FREM1: variants seen among roughly 807,000 people sequenced by gnomAD.
FREM1 encodes the protein FRAS1 related extracellular matrix 1.
A neutral mutation model predicts 210.1 loss-of-function variants in FREM1; 220 were observed. The observed-to-expected ratio is 1.05, with a 90% CI of 0.94 to 1.17. The LOEUF is 1.17. Ranked by LOEUF, FREM1 falls within the 50% of genes most tolerant of loss-of-function variation. FREM1 has a pLI of 0.00. For synonymous variants in FREM1, 1,189 were observed against 980.2 expected (o/e 1.21, Z -3.98); for missense variants, 3,454 against 2,675.5 (o/e 1.29, Z -6.42).
chr9:14,820,778 G>A (rs1003113599), intron 13 of FREM1, among the ~76,000 whole-genome samples: 1 of 152,156 alleles, frequency 6.6e-6, no homozygotes, highest in Non-Finnish European at 1.5e-5. Flanking sequence ...TCTCCCAAGT[G>A]TCTCACTTTC....
chr9:14,743,936 TAAATGACATCTAGTTAA>T (rs1841987387), intron 35 of FREM1, among the ~76,000 whole-genome samples: 1 of 152,122 alleles, frequency 6.6e-6, no homozygotes, highest in Non-Finnish European at 1.5e-5. Context: ...TACGACAAAC[TAAATGACATCTAGTTAA>T]GATGTCATTT....
chr9:14,870,246 T>A (rs1776097685), intron 1 of FREM1, among the ~76,000 whole-genome samples: 1 of 152,232 alleles, frequency 6.6e-6, no homozygotes. Flanking sequence ...ACATCTAATC[T>A]ATTTCCATTC....
At position 14,816,869 on chromosome 9, in the gene FREM1, T is replaced by A; in HGVS notation, c.2549A>T (p.Tyr850Phe). 7.7e-7 allele frequency: 1 copy of A among 1,298,496 alleles called. No individual in the cohort carries two copies. The highest frequency in any genetic ancestry group is 1.0e-6 in the Non-Finnish European group (1 of 953,746). The allele number at this position is 1,298,496 out of a possible 1,614,324, so 80.4% of individuals were successfully genotyped here. A position where few individuals can be genotyped will look rare whatever the true frequency, so the allele number is the denominator to read the frequency against. ...WGDLHTLKVR[Y>F]QHDGTEVLQD... ...AAGAACTTCAGTTCCATCATGTTGA[T>A]ACCTGTGGGGATAATATTTGTCACC... The change falls in exon 15 of 37, where the codon TAT (tyrosine) becomes TTT (phenylalanine). Residue 850 changes from tyrosine (Y) to phenylalanine (F), a missense_variant and splice_region_variant. Transcript: ENST00000380880.
At chr9:14,803,327 C>CCCCTCCCCTCCCCTA (rs758733762) in intron 19 of FREM1, among the ~76,000 whole-genome samples, 4 of 125,032 alleles carry the variant, frequency 3.2e-5, no homozygotes, top group South Asian at 6.6e-4. Context: ...CCCCTCCCCT[C>CCCCTCCCCTCCCCTA]CCCTACCCTC....
In FREM1 at chr9:14,843,116, C is replaced by A. The variant is rs892361247; in HGVS notation, c.1394-456G>T. ...CAATCCATTGATAGACTGAATAGAACAAAAAGGAAGAGGAAAGGGGAATGC... is the reference window on the plus strand; with the variant it reads ...CAATCCATTGATAGACTGAATAGAAAAAAAAGGAAGAGGAAAGGGGAATGC... On this transcript the variant is annotated intron_variant, in intron 8 of 36. Transcript: ENST00000380880. 2.0e-5 allele frequency among the ~76,000 whole-genome samples: 3 copies of A among 152,128 alleles called. No individual in the cohort carries two copies. In the South Asian group the frequency reaches 6.2e-4, roughly 32 times the overall value.
chr9:14,860,525 G>C (rs1469092292), intron 3 of FREM1, among the ~76,000 whole-genome samples: 3 of 89,972 alleles, frequency 3.3e-5, no homozygotes, highest in African/African-American at 1.8e-4. Flanking sequence ...TGGGTACGTA[G>C]TAGGTATGTA....
At chr9:14,769,962 C>T in intron 26 of FREM1, 94 bp from the exon 27 acceptor site, 1 of 597,062 alleles carries the variant, frequency 1.7e-6, no homozygotes, top group South Asian at 2.7e-5. Context: ...TTAAACACAG[C>T]TTTAAAAAAC....
chr9:14,890,374 T>G (rs1233629263), intron 1 of FREM1, among the ~76,000 whole-genome samples: 2 of 152,136 alleles, frequency 1.3e-5, no homozygotes, highest in East Asian at 3.8e-4. Context: ...GTTAAAAGCT[T>G]GCCACAAAAA....
rs761122172 is a variant in FREM1 at position 14,824,944 on chromosome 9, C to G, written c.1930G>C (p.Ala644Pro). The change falls in exon 11 of 37, where the codon GCT becomes CCT. Residue 644 changes from alanine to proline, a missense_variant. Physicochemically the swap from Ala to Pro is conservative, Grantham distance 27 (BLOSUM62 -1). Transcript: ENST00000380880. ...TPVDDQLPKE[A>P]PGVSRHLVVK... ...ACCAAATGCCGAGAAACTCCAGGAG[C>G]CTCTTTTGGAAGCTGGTCATCCACT... is the stretch of plus-strand genomic sequence containing the variant. 4.4e-6 allele frequency: 7 copies of G among 1,606,700 alleles called. No individual in the cohort carries two copies. The highest frequency in any genetic ancestry group is 5.9e-6 in the Non-Finnish European group (7 of 1,178,182).
intron 28 of FREM1, among the ~76,000 whole-genome samples, chr9:14,758,847 T>C (rs892844483): frequency 1.3e-5 from 2 of 152,176 alleles, no homozygotes; most frequent in African/African-American, 4.8e-5. Context: ...TGAAAAGAAA[T>C]AGCAAGTTGA....
At chr9:14,863,110 G>T (rs1306058502) in intron 3 of FREM1, among the ~76,000 whole-genome samples, 2 of 152,046 alleles carry the variant, frequency 1.3e-5, no homozygotes, top group African/African-American at 4.8e-5. Context: ...GGGAGGCGGA[G>T]ACAGGCAGAT....
chr9:14,903,987 T>C (rs972524212), intron 1 of FREM1, among the ~76,000 whole-genome samples: 5 of 151,840 alleles, frequency 3.3e-5, no homozygotes, highest in Admixed American at 2.0e-4. Context: ...CTGGGCGTGG[T>C]GGCAGGCGCC....
At chr9:14,827,931 C>T (rs984048186) in intron 10 of FREM1, among the ~76,000 whole-genome samples, 1 of 152,230 alleles carries the variant, frequency 6.6e-6, no homozygotes. Context: ...GGCACAAATA[C>T]CAACTCTGCT....
rs1329151673 is a variant in FREM1, at chr9:14,842,196, A to G, written c.1738+120T>C. On this transcript the variant is annotated intron_variant, in intron 9 of 36. Coordinates refer to ENST00000380880, the MANE Select transcript of FREM1 (RefSeq NM_001379081.2). ...ATAAAAATACTATCTTACTTCAGAA[A>G]CTTGATGTTCACCTTAGGACAAACT... 5.7e-5 allele frequency: 37 copies of G among 648,984 alleles called. 1 individual carries two copies. The highest frequency in any genetic ancestry group is 9.2e-5 in the Non-Finnish European group (34 of 369,208). 40.2% of individuals were successfully genotyped at this position (648,984 alleles called of 1,614,324 possible).
chr9:14,746,802 T>C (rs1842523414), intron 34 of FREM1, 121 bp downstream of exon 34: 21 of 1,241,892 alleles, frequency 1.7e-5, no homozygotes, highest in Non-Finnish European at 2.3e-5. Context: ...GCCTTCAAGT[T>C]GTTAACAATG....
intron 1 of FREM1, among the ~76,000 whole-genome samples, chr9:14,890,138 A>G (rs1261483441): frequency 6.6e-6 from 1 of 152,240 alleles, no homozygotes; most frequent in Non-Finnish European, 1.5e-5. Context: ...TCTTTCCACC[A>G]CATGCCACTT....
At chr9:14,823,486 C>A (rs1821756926) in intron 12 of FREM1, among the ~76,000 whole-genome samples, 159 bp from the exon 13 acceptor site, 1 of 152,176 alleles carries the variant, frequency 6.6e-6, no homozygotes, top group African/African-American at 2.4e-5. Flanking sequence ...ACTTCAATGG[C>A]AAAAACTGCA....
chr9:14,823,785 C>T (rs1821816100), intron 12 of FREM1, among the ~76,000 whole-genome samples: 1 of 152,078 alleles, frequency 6.6e-6, no homozygotes, highest in Non-Finnish European at 1.5e-5. Context: ...GATGGCAAAA[C>T]AATACAAAAG....
chr9:14,808,053 C>G lies in FREM1; in HGVS notation c.2975G>C (p.Gly992Ala). The stretch of plus-strand genomic sequence containing the variant: ...TGGATTGGGTCCATTGTAGCAACAG[C>G]CATTCACAAAAGGGCCAGCCTCTCC... ...SDGEAGPFVNGCCYNGPNPSV... is the reference protein window; with the variant it reads ...SDGEAGPFVNACCYNGPNPSV... The change falls in exon 17 of 37, where the codon GGC becomes GCC. Residue 992 changes from glycine to alanine, a missense_variant. Gly to Ala is a moderately conservative substitution (Grantham distance 60, BLOSUM62 0). Coordinates refer to ENST00000380880, the MANE Select transcript of FREM1 (RefSeq NM_001379081.2). 6.2e-7 allele frequency: 1 copy of G among 1,613,568 alleles called. No individual in the cohort carries two copies. The highest frequency in any genetic ancestry group is 8.5e-7 in the Non-Finnish European group (1 of 1,179,650).
Sources: allele counts gnomAD v4.1 joint callset (sites outside exome capture counted in the v4.1 genomes callset), GRCh38; gene constraint gnomAD v4.1.1; transcripts MANE v1.5; gene names NCBI Gene and HGNC (gene_info 2026-07-23, HGNC 2026-07-21).